PIK3AP1: variants seen among roughly 807,000 people sequenced by gnomAD.
PIK3AP1 encodes phosphoinositide 3-kinase adapter protein 1.
A neutral mutation model predicts 88.1 loss-of-function variants in PIK3AP1; 21 were observed. That is an observed-to-expected ratio of 0.24 (90% CI 0.17 to 0.34). The LOEUF (loss-of-function observed/expected upper bound fraction) is 0.34, where lower values mean the gene tolerates loss of function less well. Ranked by LOEUF, PIK3AP1 falls within the 10% of genes least tolerant of loss-of-function variation. The pLI is 1.00. For synonymous variants in PIK3AP1, 398 were observed against 400.0 expected, an observed-to-expected ratio of 1.00 and a Z score of 0.06; for missense variants, 828 against 1,035.7, an observed-to-expected ratio of 0.80 and a Z score of 2.75.
intron 14 of PIK3AP1, among the ~76,000 whole-genome samples, chr10:96,605,332 A>G (rs1848985103): frequency 6.6e-6 from 1 of 152,234 alleles, no homozygotes; most frequent in Non-Finnish European, 1.5e-5. Context: ...AAACATGGCT[A>G]GTGCAACCAA....
intron 2 of PIK3AP1, among the ~76,000 whole-genome samples, chr10:96,660,024 A>T (rs941893199): frequency 1.3e-5 from 2 of 152,112 alleles, no homozygotes; most frequent in African/African-American, 4.8e-5. Context: ...TATTAAAGTT[A>T]TTAAAAAACA....
chr10:96,703,497 G>A (rs1004113574), intron 2 of PIK3AP1, among the ~76,000 whole-genome samples: 5 of 152,098 alleles, frequency 3.3e-5, no homozygotes, highest in Non-Finnish European at 5.9e-5. Context: ...CACATCACAC[G>A]AATGAGAACT....
At chr10:96,687,280 A>AAG (rs1844086376) in intron 2 of PIK3AP1, among the ~76,000 whole-genome samples, 3 of 121,566 alleles carry the variant, frequency 2.5e-5, no homozygotes, top group East Asian at 2.3e-4. Context: ...AAAAAAAAAA[A>AAG]AAAAAGAAAA....
chr10:96,676,658 T>A (rs1379390103), intron 2 of PIK3AP1, among the ~76,000 whole-genome samples: 4 of 151,508 alleles, frequency 2.6e-5, no homozygotes, highest in African/African-American at 9.7e-5. Context: ...TCTGGGGTTT[T>A]TTTTTTTTTT....
intron 1 of PIK3AP1, among the ~76,000 whole-genome samples, chr10:96,715,987 T>C (rs184976906): frequency 6.6e-5 from 10 of 151,824 alleles, no homozygotes; most frequent in African/African-American, 2.2e-4. Context: ...CTATTCAAAA[T>C]GTCTCATTCC....
intron 14 of PIK3AP1, among the ~76,000 whole-genome samples, chr10:96,608,402 C>A (rs1005462564): frequency 3.9e-5 from 6 of 152,120 alleles, no homozygotes; most frequent in Admixed American, 1.3e-4. Context: ...CAAATGATCA[C>A]CCCCATTATG....
intron 3 of PIK3AP1, 103 bp downstream of exon 3, chr10:96,656,695 C>T: frequency 6.8e-7 from 1 of 1,475,296 alleles, no homozygotes; most frequent in Non-Finnish European, 9.2e-7. Context: ...TGCAATTATA[C>T]TGAGGTGCAA....
intron 12 of PIK3AP1, among the ~76,000 whole-genome samples, chr10:96,617,056 C>T (rs1419238175): frequency 6.6e-6 from 1 of 152,206 alleles, no homozygotes; most frequent in Non-Finnish European, 1.5e-5. Context: ...CACATCACTC[C>T]CCTGACCTTC....
At chr10:96,654,180 C>A (rs1391080793) in intron 3 of PIK3AP1, among the ~76,000 whole-genome samples, 1 of 152,094 alleles carries the variant, frequency 6.6e-6, no homozygotes, top group African/African-American at 2.4e-5. Context: ...AACCATCGAG[C>A]GCCTCGAATA....
intron 2 of PIK3AP1, among the ~76,000 whole-genome samples, chr10:96,677,817 G>A (rs960076004): frequency 1.3e-5 from 2 of 152,174 alleles, no homozygotes; most frequent in Non-Finnish European, 2.9e-5. Context: ...ATTGGGATCA[G>A]GATCAAGAAG....
At chr10:96,688,883 A>T (rs1844112602) in intron 2 of PIK3AP1, among the ~76,000 whole-genome samples, 1 of 151,986 alleles carries the variant, frequency 6.6e-6, no homozygotes, top group African/African-American at 2.4e-5. Flanking sequence ...TAAAATACGC[A>T]TTACCCCCAC....
At chr10:96,632,749 G>T in intron 8 of PIK3AP1, 9 of 1,059,890 alleles carry the variant, frequency 8.5e-6, no homozygotes, top group Non-Finnish European at 1.2e-5. Flanking sequence ...TGTCTCACAG[G>T]ATGATTAGAA....
intron 2 of PIK3AP1, among the ~76,000 whole-genome samples, chr10:96,664,823 G>A (rs1305247569): frequency 6.6e-6 from 1 of 152,172 alleles, no homozygotes; most frequent in Non-Finnish European, 1.5e-5. Context: ...ACAAGCCACA[G>A]TGGCCTCTTC....
rs1456681079 is a variant in PIK3AP1 at position 96,628,465 on chromosome 10, A to G, written c.1404T>C (p.Ser468=). ...AGAAACCATCTCCAGGGATTGGGTT[A>G]GATGTACTGGCCTGAAGCATTTCAA... is the stretch of plus-strand genomic sequence containing the variant. The part of the protein sequence containing the change: ...LYVEMLQAST[S]NPIPGDGFSR... Residue 468 remains serine (S), a synonymous_variant, in exon 9 of 17, where the codon TCT becomes TCC. Transcript: ENST00000339364. 1.2e-6 allele frequency: 2 copies of G among 1,613,528 alleles called. No individual in the cohort carries two copies. Among genetic ancestry groups the G allele is most frequent in the South Asian group, 2.2e-5 (2 of 91,058 alleles).
intron 9 of PIK3AP1, among the ~76,000 whole-genome samples, 155 bp downstream of exon 9, chr10:96,628,243 G>C (rs979242998): frequency 6.6e-6 from 1 of 152,208 alleles, no homozygotes; most frequent in Non-Finnish European, 1.5e-5. Context: ...CAGGGTAGAG[G>C]GGTCGGGGGA....
At chr10:96,605,076 T>C (rs994821082) in intron 14 of PIK3AP1, among the ~76,000 whole-genome samples, 2 of 152,168 alleles carry the variant, frequency 1.3e-5, no homozygotes, top group Non-Finnish European at 2.9e-5. Context: ...GCCAGGCTGG[T>C]CTCAAACTCC....
intron 8 of PIK3AP1, 133 bp from the exon 9 acceptor site, chr10:96,628,626 T>A: frequency 2.7e-6 from 2 of 742,248 alleles, no homozygotes; most frequent in South Asian, 3.4e-5. Context: ...CATCCCTCCA[T>A]CCATCCACCT....
At chr10:96,696,597 G>A (rs954273116) in intron 2 of PIK3AP1, among the ~76,000 whole-genome samples, 3 of 152,188 alleles carry the variant, frequency 2.0e-5, no homozygotes, top group Non-Finnish European at 4.4e-5. Flanking sequence ...ATTCTGTAAT[G>A]CATATTTACC....
chr10:96,648,887 G>A (rs1475657589), intron 6 of PIK3AP1, 32 bp from the exon 7 acceptor site: 4 of 1,513,904 alleles, frequency 2.6e-6, no homozygotes, highest in Non-Finnish European at 3.5e-6. Flanking sequence ...TTAATAGGCA[G>A]ATAAAAATAA....
Sources: allele counts gnomAD v4.1 joint callset (sites outside exome capture counted in the v4.1 genomes callset), GRCh38; gene constraint gnomAD v4.1.1; transcripts MANE v1.5; gene names NCBI Gene and HGNC (gene_info 2026-07-23, HGNC 2026-07-21).